The following SDK1 variants were observed in gnomAD, a reference collection of about 807,000 sequenced individuals.
SDK1 encodes protein sidekick-1.
Under a neutral mutation model 245.5 loss-of-function variants are expected in SDK1, and 157 were observed. The ratio of observed to expected loss-of-function variants is 0.64; its 90% CI spans 0.56 to 0.73. The LOEUF is 0.73. SDK1 is among the 30% of genes least tolerant of loss of function. SDK1 has a pLI of 0.00. For missense variants in SDK1, 3,583 were observed against 3,002.3 expected (o/e 1.19, Z -4.52); for synonymous variants, 1,647 against 1,278.5 (o/e 1.29, Z -6.15).
chr7:3,381,837 T>A (rs1279519317), intron 1 of SDK1, among the ~76,000 whole-genome samples: 1 of 152,186 alleles, frequency 6.6e-6, no homozygotes, highest in Non-Finnish European at 1.5e-5. Context: ...TGAATTTAAT[T>A]AAGGTCAGTG....
At chr7:3,992,746 G>A (rs928373597) in intron 14 of SDK1, among the ~76,000 whole-genome samples, 2 of 152,150 alleles carry the variant, frequency 1.3e-5, no homozygotes, top group Admixed American at 6.5e-5. Context: ...CTCATCTAGC[G>A]CCCTTCAGGG....
chr7:4,016,126 C>T (rs575591848), intron 16 of SDK1, among the ~76,000 whole-genome samples: 2 of 152,372 alleles, frequency 1.3e-5, no homozygotes, highest in East Asian at 3.9e-4. Context: ...AGGTGCCCTG[C>T]CCGCGTGGGA....
At position 4,026,509 on chromosome 7, in the gene SDK1, G is replaced by A. The variant is rs1483057196; in HGVS notation, c.2602+9157G>A. 6.6e-6 allele frequency among the ~76,000 whole-genome samples: 1 copy of A among 152,148 alleles called. No individual in the cohort carries two copies. Among genetic ancestry groups the A allele is most frequent in the Non-Finnish European group, 1.5e-5 (1 of 68,026 alleles). The stretch of plus-strand genomic sequence containing the variant: ...GCCAGGGCCTGCGGGCTCTCCCCAC[G>A]TGCTGTGCCCCCACCCCAGCCCAAA... On this transcript the variant is annotated intron_variant, in intron 17 of 44. Coordinates refer to ENST00000404826, the MANE Select transcript of SDK1 (RefSeq NM_152744.4). This position sits in a 1 kb window ranked among gnomAD's most constrained non-coding sequence, Gnocchi z 4.1.
intron 4 of SDK1, among the ~76,000 whole-genome samples, chr7:3,723,909 CAT>C (rs1156845663): frequency 2.5e-5 from 3 of 118,550 alleles, no homozygotes; most frequent in Non-Finnish European, 5.0e-5. Flanking sequence ...TATACACGTA[CAT>C]ATATATATAC....
At chr7:4,163,331 G>T (rs1048347122) in intron 32 of SDK1, among the ~76,000 whole-genome samples, 1 of 152,222 alleles carries the variant, frequency 6.6e-6, no homozygotes, top group Non-Finnish European at 1.5e-5. Flanking sequence ...CGATGCAGCA[G>T]GTGGGAATGA....
chr7:4,109,187 G>C (rs1783158266), intron 22 of SDK1, among the ~76,000 whole-genome samples: 1 of 152,188 alleles, frequency 6.6e-6, no homozygotes, highest in African/African-American at 2.4e-5. Context: ...GTGGCTGGGG[G>C]CGGAGTTGCT....
intron 4 of SDK1, among the ~76,000 whole-genome samples, chr7:3,772,474 A>G (rs778502929): frequency 1.1e-4 from 16 of 152,250 alleles, no homozygotes; most frequent in Non-Finnish European, 1.6e-4. Flanking sequence ...AAAATGCATT[A>G]GCCTTTTAAA....
chr7:4,048,116 C>A (rs922225006), intron 17 of SDK1, among the ~76,000 whole-genome samples: 1 of 152,108 alleles, frequency 6.6e-6, no homozygotes, highest in African/African-American at 2.4e-5. Context: ...GGAAGGGAGC[C>A]GAGAAGAGTG....
At chr7:3,926,129 T>C (rs1779758282) in intron 5 of SDK1, among the ~76,000 whole-genome samples, 1 of 152,090 alleles carries the variant, frequency 6.6e-6, no homozygotes, top group Admixed American at 6.6e-5. Flanking sequence ...TCCCTTTTTG[T>C]GCAACAAGCA....
chr7:4,161,953 T>G (rs746180542), intron 32 of SDK1, 97 bp downstream of exon 32: 7 of 1,111,110 alleles, frequency 6.3e-6, no homozygotes, highest in Non-Finnish European at 9.6e-6. Flanking sequence ...AGCTGAGCCC[T>G]GAGCTAAGCG....
intron 44 of SDK1, among the ~76,000 whole-genome samples, chr7:4,255,732 G>A (rs1290679933): frequency 6.6e-6 from 1 of 152,110 alleles, no homozygotes; most frequent in Non-Finnish European, 1.5e-5. Flanking sequence ...CAGCAGCCCT[G>A]CCTTGTTGCC....
intron 25 of SDK1, among the ~76,000 whole-genome samples, chr7:4,124,608 G>A (rs1784263756): frequency 6.6e-6 from 1 of 152,166 alleles, no homozygotes; most frequent in Non-Finnish European, 1.5e-5. Flanking sequence ...TGAGATACCG[G>A]AGGTTAGGAT....
At chr7:3,303,515 A>T (rs958042563) in intron 1 of SDK1, among the ~76,000 whole-genome samples, 17 of 152,232 alleles carry the variant, frequency 1.1e-4, no homozygotes, top group Admixed American at 6.5e-5. Context: ...TTGCATTTTA[A>T]CAACTGAAAT....
At chr7:4,188,227 G>T (rs2128221837) in intron 35 of SDK1, among the ~76,000 whole-genome samples, 1 of 152,362 alleles carries the variant, frequency 6.6e-6, no homozygotes, top group Non-Finnish European at 1.5e-5. Flanking sequence ...CCTCAAGCTA[G>T]TTGCTACAGC....
Position 3,645,291 on chromosome 7 carries a change from A to G in SDK1, c.713+3186A>G, listed in dbSNP as rs116988402. Among the ~76,000 whole-genome samples, 543 of 152,312 alleles carry G rather than the reference A, an allele frequency of 3.6e-3. 8 individuals are homozygous for G. Among genetic ancestry groups the G allele is most frequent in the Non-Finnish European group, 1.7e-3 (118 of 68,026 alleles). On this transcript the variant is annotated intron_variant, in intron 4 of 44. Coordinates refer to ENST00000404826, the MANE Select transcript of SDK1 (RefSeq NM_152744.4). ...GCATGAAGCTGTTGGTAAATCTCTA[A>G]TCTCAGGAAAATAATGCAGTATACC... is the stretch of plus-strand genomic sequence containing the variant.
intron 5 of SDK1, among the ~76,000 whole-genome samples, chr7:3,908,044 C>T (rs1779016544): frequency 6.6e-6 from 1 of 152,188 alleles, no homozygotes; most frequent in Non-Finnish European, 1.5e-5. Flanking sequence ...CCTGAGCCTT[C>T]TCATCTCTTC....
chr7:4,008,936 A>G lies in SDK1; in HGVS notation c.2132-2030A>G, dbSNP rs538287760. Among the ~76,000 whole-genome samples, 7 of 152,300 alleles carry G rather than the reference A, an allele frequency of 4.6e-5. No individual in the cohort carries two copies. In the East Asian group the frequency reaches 1.2e-3, roughly 25 times the overall value. On this transcript the variant is annotated intron_variant, in intron 14 of 44. Transcript: ENST00000404826. ...CTGAGAAGCAGAATTGCTGGATTCT[A>G]TGGTAATTCTGTCTTAATTTTTTGA...
intron 14 of SDK1, among the ~76,000 whole-genome samples, chr7:3,989,134 A>ATCTT (rs1784097768): frequency 2.6e-5 from 4 of 152,214 alleles, no homozygotes; most frequent in African/African-American, 9.6e-5. Flanking sequence ...CACACTGCCA[A>ATCTT]TAAAGACACA....
At position 3,469,733 on chromosome 7, in the gene SDK1, A is replaced by G. The variant is rs151284020; in HGVS notation, c.299-149347A>G. ...GTTTTTCCTTCCTAGCCATTGACAG[A>G]AAACACATCTGCCTTAGTGAGGCCC... On this transcript the variant is annotated intron_variant, in intron 1 of 44. Coordinates refer to ENST00000404826, the MANE Select transcript of SDK1 (RefSeq NM_152744.4). 1.1e-3 allele frequency among the ~76,000 whole-genome samples: 172 copies of G among 152,298 alleles called. 1 individual carries two copies. Among genetic ancestry groups the G allele is most frequent in the African/African-American group, 3.8e-3 (160 of 41,564 alleles).
Sources: allele counts gnomAD v4.1 joint callset (sites outside exome capture counted in the v4.1 genomes callset), GRCh38; gene constraint gnomAD v4.1.1; non-coding constraint Gnocchi (gnomAD v3.1); transcripts MANE v1.5; gene names NCBI Gene and HGNC (gene_info 2026-07-23, HGNC 2026-07-21).